The following WWOX variants were observed in gnomAD, a reference collection of about 807,000 sequenced individuals.
The protein encoded by WWOX is WW domain-containing oxidoreductase.
WWOX carries 69 observed loss-of-function variants against 46.2 expected under a neutral mutation model. The observed-to-expected ratio is 1.49, with a 90% CI of 1.23 to 1.82. The LOEUF is 1.82. Among genes scored for constraint, WWOX ranks in the 40% most tolerant of loss-of-function variants. The pLI, the probability that WWOX is intolerant of heterozygous loss-of-function variation, is 0.00. For missense variants in WWOX, 919 were observed against 542.6 expected, an observed-to-expected ratio of 1.69 and a Z score of -6.89; for synonymous variants, 359 against 202.6, an observed-to-expected ratio of 1.77 and a Z score of -6.56.
intron 8 of WWOX, among the ~76,000 whole-genome samples, chr16:79,090,475 A>G (rs1016880666): frequency 2.0e-5 from 3 of 152,206 alleles, no homozygotes; most frequent in Admixed American, 1.3e-4. Flanking sequence ...CCCTGCCCTC[A>G]GGGAGCTTTC....
intron 8 of WWOX, among the ~76,000 whole-genome samples, chr16:78,681,698 C>A (rs1358978467): frequency 6.6e-6 from 1 of 152,206 alleles, no homozygotes; most frequent in Admixed American, 6.5e-5. Flanking sequence ...ATCCCCAGCC[C>A]AGCTCTTCGT....
chr16:78,103,252 T>G (rs76942205), intron 1 of WWOX, among the ~76,000 whole-genome samples: 33,257 of 149,788 alleles, frequency 0.22, 4,440 homozygotes, highest in Non-Finnish European at 0.3. Flanking sequence ...GTTTTTTTTT[T>G]TTTTTTTTTT....
intron 8 of WWOX, among the ~76,000 whole-genome samples, chr16:78,793,999 A>G (rs115849868): frequency 0.012 from 1,782 of 152,312 alleles, 31 homozygotes; most frequent in African/African-American, 0.039. Flanking sequence ...GTTCTTAGTA[A>G]CACAGGCTTT....
chr16:79,057,621 T>C (rs963641306), intron 8 of WWOX, among the ~76,000 whole-genome samples: 7 of 152,150 alleles, frequency 4.6e-5, no homozygotes, highest in African/African-American at 1.7e-4. Flanking sequence ...GATCCTTGAA[T>C]GACAATTTGG....
At chr16:78,659,185 C>T (rs115380279) in intron 8 of WWOX, among the ~76,000 whole-genome samples, 4 of 151,872 alleles carry the variant, frequency 2.6e-5, no homozygotes, top group East Asian at 1.9e-4. Flanking sequence ...AGTATGAGCA[C>T]GTGGTATTCT....
intron 4 of WWOX, among the ~76,000 whole-genome samples, chr16:78,154,827 A>T (rs1423549441): frequency 1.3e-5 from 2 of 152,166 alleles, no homozygotes; most frequent in Non-Finnish European, 2.9e-5. Flanking sequence ...AGATTCGGTG[A>T]TTGAGTTGTG....
chr16:79,035,025 T>A (rs547593492), intron 8 of WWOX, among the ~76,000 whole-genome samples: 1 of 152,244 alleles, frequency 6.6e-6, no homozygotes, highest in African/African-American at 2.4e-5. Context: ...TTGCTGACTC[T>A]TTTAACTTGT....
chr16:78,361,299 T>C (rs962763625), intron 5 of WWOX, among the ~76,000 whole-genome samples: 1 of 152,180 alleles, frequency 6.6e-6, no homozygotes, highest in South Asian at 2.1e-4. Flanking sequence ...ATAATGTTGA[T>C]CTGTCTCATC....
chr16:78,178,681 C>G (rs958270753), intron 5 of WWOX, among the ~76,000 whole-genome samples: 7 of 152,026 alleles, frequency 4.6e-5, no homozygotes, highest in African/African-American at 9.7e-5. Context: ...GCCTGGCAAA[C>G]ATGGTGAAAC....
At chr16:78,770,117 C>T (rs531451495) in intron 8 of WWOX, among the ~76,000 whole-genome samples, 2 of 152,078 alleles carry the variant, frequency 1.3e-5, no homozygotes, top group Middle Eastern at 3.4e-3. Flanking sequence ...TTTGGGAATA[C>T]GAGGTGGGCC....
At chr16:78,409,711 G>A (rs8052799) in intron 6 of WWOX, among the ~76,000 whole-genome samples, 14,531 of 152,152 alleles carry the variant, frequency 0.096, 1,022 homozygotes, top group African/African-American at 0.19. Context: ...TAAAATTAAG[G>A]TGTCGGTATG....
At chr16:78,326,797 TTTAA>T (rs141777059) in intron 5 of WWOX, among the ~76,000 whole-genome samples, 15,992 of 151,784 alleles carry the variant, frequency 0.11, 978 homozygotes, top group East Asian at 0.13. Context: ...CAGATATAAC[TTTAA>T]TTGTCAAAAC....
intron 8 of WWOX, among the ~76,000 whole-genome samples, chr16:78,617,154 G>C (rs1436913310): frequency 1.3e-5 from 2 of 152,266 alleles, no homozygotes; most frequent in East Asian, 3.9e-4. Context: ...GCTCACGCCT[G>C]TAATCCCAGC....
At chr16:78,776,663 T>C (rs551607512) in intron 8 of WWOX, among the ~76,000 whole-genome samples, 2 of 152,228 alleles carry the variant, frequency 1.3e-5, no homozygotes, top group African/African-American at 4.8e-5. Flanking sequence ...TTGGGAAATT[T>C]ATAAAGAAAA....
chr16:78,892,940 C>T (rs939265239), intron 8 of WWOX, among the ~76,000 whole-genome samples: 2 of 152,174 alleles, frequency 1.3e-5, no homozygotes, highest in African/African-American at 2.4e-5. Context: ...CTTTTCTGTC[C>T]TTAAGCACTC....
intron 8 of WWOX, chr16:78,534,239 A>G (rs1394587988): frequency 6.6e-6 from 1 of 152,204 alleles, no homozygotes; most frequent in Admixed American, 6.5e-5. Flanking sequence ...ACAGGAAAAC[A>G]ATATCTTCCT....
At chr16:78,947,602 C>G (rs748614314) in intron 8 of WWOX, among the ~76,000 whole-genome samples, 7 of 152,152 alleles carry the variant, frequency 4.6e-5, no homozygotes. Context: ...GCAGGGGTGT[C>G]TGTCCACGCC....
chr16:79,153,362 T>G (rs8050876), intron 8 of WWOX, among the ~76,000 whole-genome samples: 13,243 of 152,064 alleles, frequency 0.087, 937 homozygotes, highest in African/African-American at 0.2. Context: ...TGCGAAGGAA[T>G]CCAAGCAGAG....
intron 8 of WWOX, among the ~76,000 whole-genome samples, chr16:78,695,480 A>G (rs1231356891): frequency 6.6e-6 from 1 of 152,142 alleles, no homozygotes; most frequent in Non-Finnish European, 1.5e-5. Flanking sequence ...CTTTCATGAT[A>G]GAAGTAGGTC....
Sources: gnomAD v4.1 joint callset for allele counts (sites outside exome capture counted in the v4.1 genomes callset) on GRCh38, gnomAD v4.1.1 for gene constraint, MANE v1.5 for transcripts, NCBI Gene and HGNC (gene_info 2026-07-23, HGNC 2026-07-21) for gene names.